PDXDC1: variants seen among roughly 807,000 people sequenced by gnomAD.
The protein encoded by PDXDC1 is pyridoxal-dependent decarboxylase domain-containing protein 1.
Under a neutral mutation model 100.1 loss-of-function variants are expected in PDXDC1, and 42 were observed. That is an observed-to-expected ratio of 0.42 (90% confidence interval 0.33 to 0.54). PDXDC1 has a LOEUF of 0.54. Among genes scored for constraint, PDXDC1 ranks in the 20% least tolerant of loss-of-function variants. PDXDC1 has a pLI of 0.10. For missense variants in PDXDC1, 636 were observed against 979.2 expected (o/e 0.65, Z 4.68); for synonymous variants, 260 against 371.7 (o/e 0.70, Z 3.46).
chr16:15,086,190 T>C (rs1277439454), intron 16 of PDXDC1: 14 of 1,595,218 alleles, frequency 8.8e-6, no homozygotes, highest in Admixed American at 8.5e-5. Flanking sequence ...TCTGTGCTGA[T>C]ACAAGATTAC....
chr16:15,122,739 G>C (rs769007085), intron 16 of PDXDC1, among the ~76,000 whole-genome samples: 1 of 148,694 alleles, frequency 6.7e-6, no homozygotes, highest in Non-Finnish European at 1.5e-5. Context: ...CAGGGCGCCC[G>C]GAGGTGGCCA....
chr16:15,127,669 G>A (rs1224231528), intron 16 of PDXDC1: 56 of 1,324,946 alleles, frequency 4.2e-5, no homozygotes, highest in East Asian at 7.5e-5. Context: ...AGGCTGTCCC[G>A]ACCCCTACGG....
intron 16 of PDXDC1, among the ~76,000 whole-genome samples, chr16:15,129,509 T>C (rs993254825): frequency 1.1e-4 from 17 of 152,226 alleles, no homozygotes; most frequent in African/African-American, 3.9e-4. Context: ...AATAGAGGTA[T>C]TGAAGAAACA....
downstream of PDXDC1, chr16:15,038,708 G>T (rs2043663612): frequency 1.5e-6 from 2 of 1,375,478 alleles, no homozygotes; most frequent in African/African-American, 1.4e-5. Flanking sequence ...ACGTGTCAAG[G>T]ATAGAATTTC....
intron 16 of PDXDC1, chr16:15,125,281 T>G: frequency 1.7e-6 from 1 of 603,128 alleles, no homozygotes; most frequent in Non-Finnish European, 3.0e-6. Context: ...ACTGAGCAGG[T>G]CCGGCCAACT....
chr16:15,146,920 G>A, the PDXDC1 span, among the ~76,000 whole-genome samples: 8 of 152,070 alleles, frequency 5.3e-5, no homozygotes, highest in Non-Finnish European at 8.8e-5. Context: ...AGGAAACTGA[G>A]GCTGAGAGAC....
chr16:15,016,513 C>T (rs2041809354), intron 9 of PDXDC1: 3 of 649,094 alleles, frequency 4.6e-6, no homozygotes, highest in Non-Finnish European at 4.7e-6. Context: ...ACAGATCTTC[C>T]TGTTACAGTG....
intron 16 of PDXDC1, chr16:15,074,921 G>C: frequency 6.7e-7 from 1 of 1,491,358 alleles, no homozygotes; most frequent in Non-Finnish European, 9.1e-7. Flanking sequence ...TGGTTTAGTA[G>C]GAAAACTGTC....
intron 3 of PDXDC1, among the ~76,000 whole-genome samples, chr16:15,001,299 G>A (rs1427062444): frequency 6.6e-6 from 1 of 152,260 alleles, no homozygotes; most frequent in African/African-American, 2.4e-5. Context: ...GACCAGTCTG[G>A]CCAACATGGT....
intron 16 of PDXDC1, among the ~76,000 whole-genome samples, chr16:15,085,326 CT>C (rs11436275): frequency 4.7e-5 from 7 of 149,816 alleles, no homozygotes; most frequent in Admixed American, 1.3e-4. Flanking sequence ...CTGTGCTTTA[CT>C]TTTTTTTTTA....
chr16:14,992,936 C>CA (rs1971165360), intron 1 of PDXDC1, among the ~76,000 whole-genome samples: 1 of 152,134 alleles, frequency 6.6e-6, no homozygotes, highest in African/African-American at 2.4e-5. Context: ...ACTGTAGCCT[C>CA]AAACTCCCAG....
intron 16 of PDXDC1, among the ~76,000 whole-genome samples, chr16:15,072,171 A>T (rs1213026709): frequency 6.6e-6 from 1 of 151,822 alleles, no homozygotes; most frequent in Non-Finnish European, 1.5e-5. Context: ...TCCCATGACC[A>T]ACACTCTCCT....
chr16:15,132,583 G>C, intron 16 of PDXDC1: 2 of 701,932 alleles, frequency 2.8e-6, no homozygotes, highest in South Asian at 3.3e-5. Context: ...GCAGGTCAGA[G>C]ACCGAGGAAC....
chr16:15,000,281 T>A (rs1198242161), intron 3 of PDXDC1, among the ~76,000 whole-genome samples: 3 of 152,282 alleles, frequency 2.0e-5, no homozygotes, highest in African/African-American at 7.2e-5. Context: ...CATTCAAGAC[T>A]AGTAACATGC....
chr16:15,091,707 T>C (rs1439902179), intron 16 of PDXDC1, among the ~76,000 whole-genome samples: 1 of 152,192 alleles, frequency 6.6e-6, no homozygotes, highest in African/African-American at 2.4e-5. Context: ...TCTAAAAAAG[T>C]ATTCACTCAA....
At chr16:15,149,206 C>A in the PDXDC1 span, among the ~76,000 whole-genome samples, 3 of 152,218 alleles carry the variant, frequency 2.0e-5, no homozygotes, top group Admixed American at 6.5e-5. Context: ...CTGGGCAGCT[C>A]CCTGTGGGAG....
chr16:15,085,776 C>T, intron 16 of PDXDC1: 1 of 1,583,204 alleles, frequency 6.3e-7, no homozygotes, highest in South Asian at 1.1e-5. Context: ...AGTTACTGAC[C>T]TAGACAATGA....
chr16:15,132,715 T>A, intron 16 of PDXDC1: 3 of 985,762 alleles, frequency 3.0e-6, no homozygotes, highest in Non-Finnish European at 4.8e-6. Context: ...TGTGGGGCCA[T>A]CCTACCATGC....
intron 16 of PDXDC1, chr16:15,131,464 G>A: frequency 1.2e-5 from 19 of 1,607,770 alleles, no homozygotes; most frequent in Non-Finnish European, 1.6e-5. Flanking sequence ...GTGGCAGCCA[G>A]GCCCTGGGGC....
Sources: allele counts gnomAD v4.1 joint callset (sites outside exome capture counted in the v4.1 genomes callset), GRCh38; gene constraint gnomAD v4.1.1; transcripts MANE v1.5; gene names NCBI Gene and HGNC (gene_info 2026-07-23, HGNC 2026-07-21).